The following ASH1L variants were observed in gnomAD, a reference collection of about 807,000 sequenced individuals.
ASH1L encodes the protein ASH1 like histone lysine methyltransferase, also known as histone-lysine N-methyltransferase ASH1L.
In ASH1L, 23 loss-of-function variants were observed where a neutral mutation model predicts 269.0. That is an observed-to-expected ratio of 0.09 (90% CI 0.06 to 0.12). The LOEUF is 0.12. ASH1L is among the 10% of genes least tolerant of loss of function. The pLI is 1.00. For synonymous variants in ASH1L, 1,187 were observed against 1,253.5 expected (o/e 0.95, Z 1.12); for missense variants, 2,912 against 3,567.8 (o/e 0.82, Z 4.68).
At chr1:155,441,838 T>C (rs1325677375) in intron 4 of ASH1L, among the ~76,000 whole-genome samples, 4 of 148,280 alleles carry the variant, frequency 2.7e-5, no homozygotes, top group Non-Finnish European at 5.9e-5. Context: ...CAATCTCAGC[T>C]CACCGCAACC....
intron 5 of ASH1L, among the ~76,000 whole-genome samples, chr1:155,432,823 C>T (rs1661706650): frequency 1.3e-5 from 2 of 152,162 alleles, no homozygotes; most frequent in South Asian, 4.1e-4. Context: ...GCAACCTCTG[C>T]TTCCCTGGCT....
intron 6 of ASH1L, among the ~76,000 whole-genome samples, chr1:155,413,945 T>C (rs1571146448): frequency 6.6e-6 from 1 of 152,330 alleles, no homozygotes; most frequent in East Asian, 1.9e-4. Context: ...AGTAAAATGT[T>C]TTCATGACCT....
intron 7 of ASH1L, among the ~76,000 whole-genome samples, chr1:155,395,139 G>A (rs761111754): frequency 6.6e-6 from 1 of 152,036 alleles, no homozygotes; most frequent in Non-Finnish European, 1.5e-5. Context: ...GTGTCACCAA[G>A]TTGCCCAGGC....
intron 2 of ASH1L, among the ~76,000 whole-genome samples, chr1:155,510,740 T>C (rs1668110656): frequency 6.6e-6 from 1 of 152,090 alleles, no homozygotes; most frequent in Admixed American, 6.6e-5. Flanking sequence ...CAAGCGAAGA[T>C]GAACCTGAAA....
intron 6 of ASH1L, among the ~76,000 whole-genome samples, chr1:155,412,241 CAAAA>C (rs556050785): frequency 8.6e-6 from 1 of 115,700 alleles, no homozygotes; most frequent in African/African-American, 3.1e-5. Context: ...GACTCCGTCT[CAAAA>C]AAAAAAAAAA....
chr1:155,465,244 A>T (rs1664583847), intron 3 of ASH1L, among the ~76,000 whole-genome samples: 1 of 148,268 alleles, frequency 6.7e-6, no homozygotes, highest in African/African-American at 2.5e-5. Context: ...TGAGCATCCT[A>T]GCCTAGAAAA....
chr1:155,489,260 C>G (rs1262249595), intron 2 of ASH1L, among the ~76,000 whole-genome samples: 1 of 151,608 alleles, frequency 6.6e-6, no homozygotes, highest in Non-Finnish European at 1.5e-5. Context: ...AACATCAGGT[C>G]AGGAGTTTGA....
intron 1 of ASH1L, among the ~76,000 whole-genome samples, chr1:155,529,422 T>C (rs1346251036): frequency 6.6e-6 from 1 of 152,014 alleles, no homozygotes; most frequent in African/African-American, 2.4e-5. Flanking sequence ...GTGGTTTTGA[T>C]TTGCATTTCT....
chr1:155,442,418 A>C (rs886199030), intron 4 of ASH1L, among the ~76,000 whole-genome samples: 3 of 151,916 alleles, frequency 2.0e-5, no homozygotes, highest in Non-Finnish European at 2.9e-5. Flanking sequence ...CCCCGTCTCT[A>C]CTAAAAATAC....
intron 1 of ASH1L, among the ~76,000 whole-genome samples, chr1:155,553,338 A>C (rs1671344304): frequency 1.3e-5 from 2 of 152,222 alleles, no homozygotes; most frequent in African/African-American, 4.8e-5. Context: ...TATTGACATT[A>C]ATCTTTGCTA....
chr1:155,560,928 C>T (rs1463269459), intron 1 of ASH1L, among the ~76,000 whole-genome samples: 2 of 151,888 alleles, frequency 1.3e-5, no homozygotes, highest in African/African-American at 4.8e-5. Context: ...TCGGTCTCCC[C>T]CAAATACAAG....
chr1:155,559,976 C>T (rs754203847), intron 1 of ASH1L, among the ~76,000 whole-genome samples: 11 of 152,152 alleles, frequency 7.2e-5, no homozygotes, highest in Non-Finnish European at 1.3e-4. Flanking sequence ...ATTATATTCC[C>T]TTATCACCAA....
intron 7 of ASH1L, among the ~76,000 whole-genome samples, chr1:155,381,746 A>G (rs1401090834): frequency 6.8e-6 from 1 of 146,846 alleles, no homozygotes; most frequent in African/African-American, 2.5e-5. Flanking sequence ...GTGGTGGCAC[A>G]CGCCTGTAAT....
In ASH1L at chr1:155,481,405, T is replaced by C. The variant is rs763106616; in HGVS notation, c.1465A>G (p.Asn489Asp). 12 of 1,613,926 alleles carry C rather than the reference T, an allele frequency of 7.4e-6. No homozygotes were observed. The highest frequency in any genetic ancestry group is 1.3e-5 in the African/African-American group (1 of 74,914). Residue 489 changes from asparagine (N) to aspartate (D), a missense_variant, in exon 3 of 28, where the codon AAT (asparagine) becomes GAT (aspartate). Asn to Asp is a conservative substitution (Grantham distance 23). Around this residue, in one of 13 missense-constraint regions of ASH1L, gnomAD observed 715 missense variants for 721.0 expected, o/e 0.99. Transcript: ENST00000392403. ...TCATTAAACATTTCTTTCTCCAAATTAATGATTTCTTTTCGTACTGAGAAC... is the reference window on the plus strand; with the variant it reads ...TCATTAAACATTTCTTTCTCCAAATCAATGATTTCTTTTCGTACTGAGAAC... Reference protein sequence around the residue: ...EKFSVRKEIINLEKEMFNEGT... With the variant: ...EKFSVRKEIIDLEKEMFNEGT...
At chr1:155,447,300 T>G (rs1206818447) in intron 4 of ASH1L, among the ~76,000 whole-genome samples, 1 of 152,238 alleles carries the variant, frequency 6.6e-6, no homozygotes, top group Non-Finnish European at 1.5e-5. Flanking sequence ...GTTCCCTTAA[T>G]CTACTTAGAC....
intron 12 of ASH1L, among the ~76,000 whole-genome samples, chr1:155,361,706 AAAAC>A (rs1039648707): frequency 1.7e-4 from 26 of 150,984 alleles, no homozygotes; most frequent in Non-Finnish European, 3.5e-4. Context: ...TCCATCTCAA[AAAAC>A]AAACAAACAA....
At chr1:155,423,559 C>T (rs1047859534) in intron 5 of ASH1L, among the ~76,000 whole-genome samples, 1 of 152,032 alleles carries the variant, frequency 6.6e-6, no homozygotes, top group Non-Finnish European at 1.5e-5. Flanking sequence ...CAGAGCAAGA[C>T]TCTGTCTCAA....
At chr1:155,433,358 A>AT in intron 5 of ASH1L, 2 of 1,592,608 alleles carry the variant, frequency 1.3e-6, no homozygotes, top group Non-Finnish European at 1.7e-6. Context: ...GGTGTGGGGG[A>AT]TTCCCCCATG....
intron 3 of ASH1L, 24 bp downstream of exon 3, chr1:155,477,862 C>A: frequency 6.5e-7 from 1 of 1,547,406 alleles, no homozygotes. Context: ...TAACAAATAA[C>A]AGGTAACAAA....
Sources: allele counts gnomAD v4.1 joint callset (sites outside exome capture counted in the v4.1 genomes callset), GRCh38; gene constraint gnomAD v4.1.1; regional missense constraint gnomAD v4.1.1; transcripts MANE v1.5; gene names NCBI Gene and HGNC (gene_info 2026-07-23, HGNC 2026-07-21).